Variants in MAPK10 observed in about 807,000 individuals in gnomAD.
The protein encoded by MAPK10 is JNK3 alpha protein kinase.
Under a neutral mutation model 59.3 loss-of-function variants are expected in MAPK10, and 25 were observed. That is an observed-to-expected ratio of 0.42 (90% confidence interval 0.31 to 0.59). The LOEUF is 0.59. MAPK10 is among the 20% of genes least tolerant of loss of function. The pLI, the probability that MAPK10 is intolerant of heterozygous loss-of-function variation, is 0.15. For synonymous variants in MAPK10, 190 were observed against 200.5 expected (o/e 0.95, Z 0.44); for missense variants, 351 against 568.9 (o/e 0.62, Z 3.90).
intron 9 of MAPK10, among the ~76,000 whole-genome samples, chr4:86,093,007 G>A (rs1311499814): frequency 6.6e-6 from 1 of 151,966 alleles, no homozygotes; most frequent in Non-Finnish European, 1.5e-5. Flanking sequence ...TTTTCAGAGT[G>A]AGAACCTCTG....
At chr4:86,343,052 T>C (rs1725973192) in intron 2 of MAPK10, among the ~76,000 whole-genome samples, 1 of 152,204 alleles carries the variant, frequency 6.6e-6, no homozygotes, top group Non-Finnish European at 1.5e-5. Context: ...ATGTCCCCTA[T>C]GCATAAGCCA....
rs183616064 is a variant in MAPK10, at chr4:86,299,502, C to T, written c.-7+55028G>A. On this transcript the variant is annotated intron_variant, in intron 2 of 13. Transcript: ENST00000641462. The stretch of plus-strand genomic sequence containing the variant: ...AGCAAAAAGATGCCTGTCTAGGAAA[C>T]GAGACCGCACCAGAGGTGGAATTTG... 2.4e-4 allele frequency among the ~76,000 whole-genome samples: 37 copies of T among 152,250 alleles called. No individual in the cohort carries two copies. In the South Asian group the frequency reaches 4.6e-3, roughly 19 times the overall value.
rs1743088002 is a variant in MAPK10, at chr4:86,015,769, G to A, written c.*1459C>T. The A allele has an allele frequency of 6.6e-6, 1 of 152,098 alleles. No homozygotes were observed. Among genetic ancestry groups the A allele is most frequent in the Non-Finnish European group, 1.5e-5 (1 of 68,024 alleles). The allele number at this position is 152,098 out of a possible 1,614,324, so 9.4% of individuals were successfully genotyped here. A position where few individuals can be genotyped will look rare whatever the true frequency, so the allele number is the denominator to read the frequency against. On this transcript the variant is annotated 3_prime_UTR_variant, in exon 14 of 14. Transcript: ENST00000641462. ...AGTTATTGCTCTTACATCTACTGCA[G>A]TACAAAACTCAGATGATCAGCCCTT...
rs527939147 is a variant in MAPK10, at chr4:86,479,871, C to A, written c.-263+114039G>T. On this transcript the variant is annotated intron_variant, in intron 1 of 4. Transcript: ENST00000502302. ...TTTCTTCTAACAACCCCACAATATC[C>A]CCCCTTACCACAAAATCTTCCTTCA... Among the ~76,000 whole-genome samples, 124 of 152,000 alleles carry A rather than the reference C, an allele frequency of 8.2e-4. 1 individual carries two copies. The highest frequency in any genetic ancestry group is 5.0e-3 in the South Asian group (24 of 4,812).
At chr4:86,331,433 C>T (rs2096150979) in intron 2 of MAPK10, among the ~76,000 whole-genome samples, 1 of 152,116 alleles carries the variant, frequency 6.6e-6, no homozygotes, top group African/African-American at 2.4e-5. Flanking sequence ...TAGCCATGTT[C>T]AAGTATGAGC....
chr4:86,026,894 G>A (rs1392514422), intron 13 of MAPK10: 1 of 152,114 alleles, frequency 6.6e-6, no homozygotes. Context: ...AATTGGCTCT[G>A]CAGGGGGCAA....
chr4:86,352,752 T>A (rs1442990041), intron 2 of MAPK10, among the ~76,000 whole-genome samples: 5 of 152,202 alleles, frequency 3.3e-5, no homozygotes, highest in Non-Finnish European at 5.9e-5. Context: ...CAGTATTTGT[T>A]TTATACACTC....
chr4:86,388,056 T>C (rs1035751977), intron 1 of MAPK10, among the ~76,000 whole-genome samples: 1 of 150,906 alleles, frequency 6.6e-6, no homozygotes, highest in Non-Finnish European at 1.5e-5. Context: ...AAATGGGAGA[T>C]TATCAATGTA....
intron 1 of MAPK10, among the ~76,000 whole-genome samples, chr4:86,517,174 T>C (rs1341603397): frequency 6.6e-6 from 1 of 152,158 alleles, no homozygotes; most frequent in East Asian, 1.9e-4. Context: ...GATAATCATA[T>C]TTTTGTTTTT....
chr4:86,068,036 T>C, intron 9 of MAPK10, 81 bp from the exon 10 acceptor site: 1 of 815,484 alleles, frequency 1.2e-6, no homozygotes, highest in Non-Finnish European at 1.9e-6. Flanking sequence ...CTTCTCAAAG[T>C]CCTCAACAGT....
rs114274119 is a variant in MAPK10 at position 86,165,086 on chromosome 4, C to T, written c.67-5619G>A. ...CAATAGGATAGCCAAGAAATATTAA[C>T]CACAAAGTGCACTTGTGGAAAATTA... is the stretch of plus-strand genomic sequence containing the variant. On this transcript the variant is annotated intron_variant, in intron 3 of 13. Transcript: ENST00000641462. Among the ~76,000 whole-genome samples the T allele has an allele frequency of 4.4e-3, 663 of 152,254 alleles. 6 individuals carry two copies. The highest frequency in any genetic ancestry group is 0.015 in the African/African-American group (637 of 41,554).
intron 4 of MAPK10, among the ~76,000 whole-genome samples, chr4:86,130,103 T>C (rs988936127): frequency 6.6e-6 from 1 of 152,184 alleles, no homozygotes; most frequent in Non-Finnish European, 1.5e-5. Context: ...GACTAAGTGC[T>C]ACAGGGAAAT....
intron 2 of MAPK10, among the ~76,000 whole-genome samples, chr4:86,315,738 C>A (rs2095770856): frequency 6.6e-6 from 1 of 151,964 alleles, no homozygotes; most frequent in South Asian, 2.1e-4. Context: ...ATGCAAATAA[C>A]CAAAATTATA....
chr4:86,485,128 C>T lies in MAPK10; in HGVS notation c.-263+108782G>A, dbSNP rs138409461. Reference sequence around the variant, plus strand: ...TTTTGGTTTGGGTCACCATAATTTCCCTGTTACCCCCACCTCCCTTTTACT... The same window carrying T: ...TTTTGGTTTGGGTCACCATAATTTCTCTGTTACCCCCACCTCCCTTTTACT... On this transcript the variant is annotated intron_variant, in intron 1 of 4. Coordinates refer to the MAPK10 transcript ENST00000502302. Among the ~76,000 whole-genome samples the T allele has an allele frequency of 1.6e-3, 249 of 152,212 alleles. 2 individuals are homozygous for T. Among genetic ancestry groups the T allele is most frequent in the African/African-American group, 5.8e-3 (239 of 41,526 alleles).
chr4:86,115,687 C>G (rs538425698), intron 4 of MAPK10, among the ~76,000 whole-genome samples: 1 of 152,272 alleles, frequency 6.6e-6, no homozygotes, highest in South Asian at 2.1e-4. Context: ...TCTCAAACTC[C>G]TGACCTCAAG....
chr4:86,507,575 T>C (rs1162053749), intron 1 of MAPK10, among the ~76,000 whole-genome samples: 1 of 129,744 alleles, frequency 7.7e-6, no homozygotes, highest in Admixed American at 8.8e-5. Flanking sequence ...AGACTAAATA[T>C]TATGTAATAC....
At chr4:86,118,428 G>A (rs1186857695) in intron 4 of MAPK10, among the ~76,000 whole-genome samples, 4 of 151,968 alleles carry the variant, frequency 2.6e-5, no homozygotes, top group African/African-American at 9.7e-5. Flanking sequence ...GCAACTTCTT[G>A]GCATACAGTA....
At position 86,405,640 on chromosome 4, in the gene MAPK10, C is replaced by T. The variant is rs139529372; in HGVS notation, c.-122+47390G>A. On this transcript the variant is annotated intron_variant, in intron 1 of 13. Transcript: ENST00000361569. ...ATTTTTAACACATATCATATATATA[C>T]AACTTTTAGAGCCACAGAATATGTG... Among the ~76,000 whole-genome samples, 625 of 152,228 alleles carry T rather than the reference C, an allele frequency of 4.1e-3. 6 individuals are homozygous for T. The highest frequency in any genetic ancestry group is 0.014 in the African/African-American group (597 of 41,548).
At chr4:86,173,753 G>GAATTTACAAGGAACTTAAACA (rs2074982532) in intron 3 of MAPK10, among the ~76,000 whole-genome samples, 1 of 152,036 alleles carries the variant, frequency 6.6e-6, no homozygotes, top group Admixed American at 6.6e-5. Context: ...CTAATATCCA[G>GAATTTACAAGGAACTTAAACA]AATTTACAAG....
Sources: allele counts gnomAD v4.1 joint callset (sites outside exome capture counted in the v4.1 genomes callset), GRCh38; gene constraint gnomAD v4.1.1; transcripts MANE v1.5; gene names NCBI Gene and HGNC (gene_info 2026-07-23, HGNC 2026-07-21).